Variants in RALGPS1 observed in about 807,000 individuals in gnomAD.
RALGPS1 encodes the protein Ral GEF with PH domain and SH3 binding motif 1, also known as ras-specific guanine nucleotide-releasing factor RalGPS1.
RALGPS1 carries 19 observed loss-of-function variants against 78.8 expected under a neutral mutation model. That is an observed-to-expected ratio of 0.24 (90% confidence interval 0.17 to 0.35). The LOEUF is 0.35. Ranked by LOEUF, RALGPS1 falls within the 10% of genes least tolerant of loss-of-function variation. RALGPS1 has a pLI of 1.00. For missense variants in RALGPS1, 454 were observed against 688.3 expected, an observed-to-expected ratio of 0.66 and a Z score of 3.81; for synonymous variants, 228 against 256.3, an observed-to-expected ratio of 0.89 and a Z score of 1.06.
intron 1 of RALGPS1, among the ~76,000 whole-genome samples, chr9:126,945,884 G>C (rs944942599): frequency 6.6e-6 from 1 of 152,204 alleles, no homozygotes; most frequent in Admixed American, 6.5e-5. Context: ...TTCAGCTTCC[G>C]TTTGGAGAAG....
intron 11 of RALGPS1, among the ~76,000 whole-genome samples, chr9:127,179,572 G>T (rs10124986): frequency 0.036 from 5,422 of 152,300 alleles, 298 homozygotes; most frequent in African/African-American, 0.12. Context: ...CAAAGGAGAG[G>T]CCCTAAGACA....
intron 1 of RALGPS1, chr9:126,915,558 G>C (rs1394714227): frequency 3.9e-5 from 6 of 152,428 alleles, no homozygotes; most frequent in Non-Finnish European, 8.8e-5. Flanking sequence ...GGGTGGGAGC[G>C]GGGGCTTTGG....
intron 8 of RALGPS1, among the ~76,000 whole-genome samples, chr9:127,077,302 CT>C (rs2050762827): frequency 6.6e-6 from 1 of 152,292 alleles, no homozygotes; most frequent in East Asian, 1.9e-4. Flanking sequence ...GGGGAAGGCT[CT>C]TTAAAAGCAG....
At chr9:127,168,296 C>T (rs1161529172) in intron 9 of RALGPS1, among the ~76,000 whole-genome samples, 2 of 152,186 alleles carry the variant, frequency 1.3e-5, no homozygotes, top group African/African-American at 4.8e-5. Context: ...TGCCCAGTTA[C>T]CCCAATGGAA....
chr9:127,002,590 TC>T (rs1207220790), intron 4 of RALGPS1, among the ~76,000 whole-genome samples: 1 of 85,882 alleles, frequency 1.2e-5, no homozygotes, highest in Non-Finnish European at 2.2e-5. Context: ...ATGCTATCCC[TC>T]CCCCCTCCCC....
At chr9:127,216,086 TCA>T (rs1449812648) in intron 18 of RALGPS1, 1 of 152,230 alleles carries the variant, frequency 6.6e-6, no homozygotes, top group Non-Finnish European at 1.5e-5. Context: ...CGTGGCACAG[TCA>T]CAGACTTCCT....
intron 8 of RALGPS1, among the ~76,000 whole-genome samples, chr9:127,115,350 T>G (rs1327442343): frequency 2.0e-5 from 3 of 152,168 alleles, no homozygotes; most frequent in African/African-American, 7.2e-5. Flanking sequence ...TCACCACACC[T>G]GGCTAATTTT....
intron 8 of RALGPS1, among the ~76,000 whole-genome samples, chr9:127,151,633 GT>G (rs943210826): frequency 6.6e-6 from 1 of 152,050 alleles, no homozygotes; most frequent in African/African-American, 2.4e-5. Context: ...TGCTTTTTGT[GT>G]TTTGCCTGAG....
chr9:126,936,195 A>G (rs1344614461), intron 1 of RALGPS1, among the ~76,000 whole-genome samples: 1 of 152,202 alleles, frequency 6.6e-6, no homozygotes, highest in Non-Finnish European at 1.5e-5. Flanking sequence ...GGGATAGAGA[A>G]CCTGCACTCA....
At chr9:127,076,033 A>G (rs2050649882) in intron 8 of RALGPS1, among the ~76,000 whole-genome samples, 1 of 152,236 alleles carries the variant, frequency 6.6e-6, no homozygotes, top group Non-Finnish European at 1.5e-5. Context: ...GGAAAAATGT[A>G]TTACATTTAT....
chr9:127,030,017 A>C (rs971029133), intron 4 of RALGPS1, among the ~76,000 whole-genome samples: 4 of 152,198 alleles, frequency 2.6e-5, no homozygotes, highest in African/African-American at 9.7e-5. Flanking sequence ...TTATTTCCAC[A>C]GTGTCTTTGT....
At chr9:126,932,455 G>A (rs556218084) in intron 1 of RALGPS1, among the ~76,000 whole-genome samples, 13 of 152,238 alleles carry the variant, frequency 8.5e-5, no homozygotes, top group African/African-American at 2.9e-4. Context: ...GCTCAGTCAC[G>A]CTTCTAGCAG....
chr9:127,216,676 C>T (rs370707068), intron 18 of RALGPS1, among the ~76,000 whole-genome samples: 2 of 152,184 alleles, frequency 1.3e-5, no homozygotes, highest in Non-Finnish European at 2.9e-5. Flanking sequence ...ATTGGCCATC[C>T]GTATGACAGG....
intron 1 of RALGPS1, among the ~76,000 whole-genome samples, chr9:126,950,498 G>A (rs192262970): frequency 1.6e-4 from 25 of 152,160 alleles, no homozygotes; most frequent in African/African-American, 6.0e-4. Flanking sequence ...ATTGAGCAGT[G>A]GTTTGTAGAA....
chr9:127,164,774 G>A (rs932602908), intron 8 of RALGPS1, among the ~76,000 whole-genome samples: 3 of 148,498 alleles, frequency 2.0e-5, no homozygotes, highest in Admixed American at 1.3e-4. Context: ...TCCTAGGCTC[G>A]AGCAATCCGC....
intron 8 of RALGPS1, among the ~76,000 whole-genome samples, chr9:127,155,721 G>C (rs1194550705): frequency 1.3e-5 from 2 of 152,154 alleles, no homozygotes; most frequent in Non-Finnish European, 2.9e-5. Context: ...AGATGTATGA[G>C]GGGATAGGAA....
chr9:127,136,035 G>A (rs561445258), intron 8 of RALGPS1, among the ~76,000 whole-genome samples: 1 of 152,210 alleles, frequency 6.6e-6, no homozygotes, highest in East Asian at 1.9e-4. Context: ...GGGTGTTGGA[G>A]AGAACGAAAG....
chr9:127,186,102 C>G (rs916312378), intron 11 of RALGPS1, among the ~76,000 whole-genome samples: 5 of 152,204 alleles, frequency 3.3e-5, no homozygotes, highest in African/African-American at 1.2e-4. Flanking sequence ...GGGCTCATTT[C>G]TCTTCCAATC....
chr9:127,114,699 C>T (rs946431), intron 8 of RALGPS1, among the ~76,000 whole-genome samples: 3,760 of 152,330 alleles, frequency 0.025, 56 homozygotes, highest in Middle Eastern at 0.048. Context: ...AATGGGTCCA[C>T]GCCATAAGAG....
Sources: gnomAD v4.1 joint callset for allele counts (sites outside exome capture counted in the v4.1 genomes callset) on GRCh38, gnomAD v4.1.1 for gene constraint, MANE v1.5 for transcripts, NCBI Gene and HGNC (gene_info 2026-07-23, HGNC 2026-07-21) for gene names.